Variants in MIDN observed in about 807,000 individuals in gnomAD.
MIDN encodes the protein midnolin, also known as midbrain nucleolar protein.
A neutral mutation model predicts 46.1 loss-of-function variants in MIDN; 26 were observed. The ratio of observed to expected loss-of-function variants is 0.56; its 90% confidence interval spans 0.41 to 0.78. The LOEUF (loss-of-function observed/expected upper bound fraction) is 0.78. Among genes scored for constraint, MIDN ranks in the 30% least tolerant of loss-of-function variants. The pLI is 0.00. For missense variants in MIDN, 850 were observed against 771.8 expected (o/e 1.10, Z -1.20); for synonymous variants, 432 against 343.3 (o/e 1.26, Z -2.86).
rs1467727731 is a variant in MIDN, at chr19:1,257,026, C to T, written c.1290C>T (p.Ala430=). 1.9e-6 allele frequency: 3 copies of T among 1,611,650 alleles called. No homozygotes were observed. Among genetic ancestry groups the T allele is most frequent in the African/African-American group, 2.7e-5 (2 of 74,938 alleles). Residue 430 remains alanine, a synonymous_variant, in exon 9 of 9, where the codon GCC becomes GCT. Transcript: ENST00000682408. ...GDRLRQTENR[A]TRCKVERLQL... ...GGCTTCGGCAGACAGAAAACCGCGC[C>T]ACGCGCTGCAAGGTGGAACGGCTGC...
intron 4 of MIDN, 25 bp downstream of exon 4, chr19:1,251,926 A>C (rs765546796): frequency 1.2e-6 from 2 of 1,605,164 alleles, no homozygotes; most frequent in South Asian, 2.2e-5. Context: ...GCCCCTTCCT[A>C]ACAGGGCAGC....
At chr19:1,253,805 A>G in intron 4 of MIDN, 149 bp from the exon 5 acceptor site, 1 of 490,634 alleles carries the variant, frequency 2.0e-6, no homozygotes, top group South Asian at 2.8e-5. Context: ...GGGGCCCATG[A>G]GGGTGGGGGA....
At position 1,253,979 on chromosome 19, in the gene MIDN, G is replaced by A. The variant is rs1026368515; in HGVS notation, c.410G>A (p.Arg137Gln). 7.2e-6 allele frequency: 10 copies of A among 1,393,868 alleles called. No individual in the cohort carries two copies. In the East Asian group the frequency reaches 8.8e-5, roughly 12 times the overall value. 86.3% of individuals were successfully genotyped at this position (1,393,868 alleles called of 1,614,324 possible). ...CCCCCAGCGGCGCCCGGGCCGGGCC[G>A]GGCTGGCGGAGGAGGCTTCCGGAAA... is the stretch of plus-strand genomic sequence containing the variant. ...TQPPAAPGPGRAGGGGFRKYR... is the reference protein window; with the variant it reads ...TQPPAAPGPGQAGGGGFRKYR... The change falls in exon 5 of 9, where the codon CGG becomes CAG. Residue 137 changes from arginine to glutamine, a missense_variant. Physicochemically the swap from Arg to Gln is conservative, Grantham distance 43. Transcript: ENST00000682408.
In MIDN at chr19:1,258,402, G is replaced by GA. The variant is rs1367516953; in HGVS notation, c.*1131dup. ...CGGGGTCCGCTGCTGGTCTAATTTG[G>GA]ACCCCCTGCCTCTCAGTGCCCCTGC... is the stretch of plus-strand genomic sequence containing the variant. On this transcript the variant is annotated 3_prime_UTR_variant, in exon 9 of 9. Coordinates refer to ENST00000682408, the MANE Select transcript of MIDN (RefSeq NM_001388306.1). 1.3e-5 allele frequency: 2 copies of GA among 152,572 alleles called. No individual in the cohort carries two copies. Among genetic ancestry groups the GA allele is most frequent in the Non-Finnish European group, 2.9e-5 (2 of 68,042 alleles). The allele number at this position is 152,572 out of a possible 1,614,324, so 9.5% of individuals were successfully genotyped here.
chr19:1,251,882 A>G lies in MIDN; in HGVS notation c.365A>G (p.Glu122Gly), dbSNP rs2081133910. 2 of 1,613,236 alleles carry G rather than the reference A, an allele frequency of 1.2e-6. No homozygotes were observed. Among genetic ancestry groups the G allele is most frequent in the African/African-American group, 2.7e-5 (2 of 74,918 alleles). Residue 122 changes from glutamate (E) to glycine (G), a missense_variant, in exon 4 of 9, where the codon GAG becomes GGG. Glu to Gly is a moderately conservative substitution (Grantham distance 98). Transcript: ENST00000682408. ...RPEQSVMQAL[E>G]SLTETQPPAA... ...GAACAGTCCGTGATGCAAGCTCTCGAGAGTCTCACGGAGACGCAGGTAAGA... is the reference window on the plus strand; with the variant it reads ...GAACAGTCCGTGATGCAAGCTCTCGGGAGTCTCACGGAGACGCAGGTAAGA...
Position 1,254,982 on chromosome 19 carries a change from C to A in MIDN, c.906C>A (p.Ala302=). The A allele has an allele frequency of 6.2e-7, 1 of 1,613,188 alleles. No individual in the cohort carries two copies. Among genetic ancestry groups the A allele is most frequent in the Non-Finnish European group, 8.5e-7 (1 of 1,179,896 alleles). ...CGTCTACCCCAGGGGCCAGCCCTGC[C>A]CCCCGCTCCCGAAAACCCGGCGCCG... ...STTSTPGASP[A]PRSRKPGAVI... is the part of the protein sequence containing the mutation. Residue 302 remains alanine (A), a synonymous_variant, in exon 7 of 9, where the codon GCC becomes GCA. Coordinates refer to ENST00000682408, the MANE Select transcript of MIDN (RefSeq NM_001388306.1).
chr19:1,250,519 C>A lies in MIDN; in HGVS notation c.223C>A (p.His75Asn). Reference protein sequence around the residue: ...KVPKERLALLHKDTRLSSGKL... With the variant: ...KVPKERLALLNKDTRLSSGKL... ...GCCCAAGGAGCGCCTGGCTCTTCTC[C>A]ACAAAGACACGTAGGTACCGCGCGC... The change falls in exon 2 of 9, where the codon CAC becomes AAC. Residue 75 changes from histidine (H) to asparagine (N), a missense_variant. Coordinates refer to ENST00000682408, the MANE Select transcript of MIDN (RefSeq NM_001388306.1). The A allele has an allele frequency of 7.7e-7, 1 of 1,305,556 alleles. No individual in the cohort carries two copies. 80.9% of individuals were successfully genotyped at this position (1,305,556 alleles called of 1,614,324 possible). A position where few individuals can be genotyped will look rare whatever the true frequency, so the allele number is the denominator to read the frequency against.
chr19:1,255,091 C>T (rs371000023), intron 7 of MIDN, 30 bp downstream of exon 7: 31 of 1,595,952 alleles, frequency 1.9e-5, no homozygotes, highest in South Asian at 3.3e-5. Flanking sequence ...TGTGAGCTCA[C>T]GTGTGTCCCG....
chr19:1,256,088 C>G (rs2081195800), intron 8 of MIDN, among the ~76,000 whole-genome samples: 2 of 152,250 alleles, frequency 1.3e-5, no homozygotes, highest in African/African-American at 4.8e-5. Context: ...CCAGCTACTC[C>G]CAAACGGCGG....
At chr19:1,252,078 A>C (rs1163612111) in intron 4 of MIDN, among the ~76,000 whole-genome samples, 177 bp downstream of exon 4, 1 of 151,840 alleles carries the variant, frequency 6.6e-6, no homozygotes, top group Non-Finnish European at 1.5e-5. Flanking sequence ...CCCAAGATTC[A>C]CCACCTGACC....
intron 4 of MIDN, among the ~76,000 whole-genome samples, chr19:1,253,374 C>T (rs888961745): frequency 2.6e-5 from 4 of 151,796 alleles, no homozygotes; most frequent in Admixed American, 6.6e-5. Context: ...GGGAGGCGGT[C>T]GGTTCTGAGT....
At chr19:1,251,291 A>T (rs1359699836) in intron 2 of MIDN, 3 of 476,222 alleles carry the variant, frequency 6.3e-6, no homozygotes, top group Non-Finnish European at 1.1e-5. Flanking sequence ...GAGGAGGAGA[A>T]AGTGCCTGGT....
chr19:1,257,113 C>T lies in MIDN; in HGVS notation c.1377C>T (p.Tyr459=), dbSNP rs757020602. 3 of 1,611,700 alleles carry T rather than the reference C, an allele frequency of 1.9e-6. No homozygotes were observed. Among genetic ancestry groups the T allele is most frequent in the Non-Finnish European group, 1.7e-6 (2 of 1,179,480 alleles). The stretch of plus-strand genomic sequence containing the variant: ...CCCGGCGGGACGCGCGGGGTCCGTA[C>T]CACTGGTCACCCAGCCGCAAGGCCG... ...RKARRDARGP[Y]HWSPSRKAGR... Residue 459 remains tyrosine (Y), a synonymous_variant, in exon 9 of 9, where the codon TAC becomes TAT. Coordinates refer to ENST00000682408, the MANE Select transcript of MIDN (RefSeq NM_001388306.1).
At chr19:1,251,371 G>A in intron 2 of MIDN, 191 bp from the exon 3 acceptor site, 1 of 568,374 alleles carries the variant, frequency 1.8e-6, no homozygotes, top group South Asian at 2.2e-5. Flanking sequence ...GAATCGCCAG[G>A]ATGGGGCTCC....
intron 1 of MIDN, among the ~76,000 whole-genome samples, chr19:1,249,676 G>C (rs1427720957): frequency 1.6e-5 from 2 of 128,444 alleles, no homozygotes; most frequent in Non-Finnish European, 3.5e-5. Context: ...CCTGGGCGCT[G>C]GGGGCGGGGC....
intron 1 of MIDN, among the ~76,000 whole-genome samples, chr19:1,249,536 CCGCGCCCCCCGGGG>C (rs966051767): frequency 6.7e-6 from 1 of 149,616 alleles, no homozygotes; most frequent in Non-Finnish European, 1.5e-5. Flanking sequence ...GACCTGGGTC[CCGCGCCCCCCGGGG>C]CGCGCCCGCC....
At chr19:1,253,765 C>T (rs1438750649) in intron 4 of MIDN, 189 bp from the exon 5 acceptor site, 2 of 304,890 alleles carry the variant, frequency 6.6e-6, no homozygotes, top group South Asian at 3.8e-5. Flanking sequence ...AGGTGGAGCC[C>T]CTCCCGTATC....
intron 7 of MIDN, 117 bp from the exon 8 acceptor site, chr19:1,255,305 C>T: frequency 7.5e-7 from 1 of 1,341,762 alleles, no homozygotes; most frequent in Middle Eastern, 2.6e-4. Flanking sequence ...CCCTCGTGCA[C>T]ATCAGCCCAC....
At chr19:1,254,836 G>A in intron 6 of MIDN, 66 bp from the exon 7 acceptor site, 1 of 1,524,362 alleles carries the variant, frequency 6.6e-7, no homozygotes, top group Non-Finnish European at 8.8e-7. Context: ...GTGATCTCTG[G>A]TCCCTGGGTT....
Sources: gnomAD v4.1 joint callset for allele counts (sites outside exome capture counted in the v4.1 genomes callset) on GRCh38, gnomAD v4.1.1 for gene constraint, MANE v1.5 for transcripts, NCBI Gene and HGNC (gene_info 2026-07-23, HGNC 2026-07-21) for gene names.